PCCA: variants seen among roughly 807,000 people sequenced by gnomAD.
The protein encoded by PCCA is propionyl-CoA carboxylase alpha chain, mitochondrial.
Under a neutral mutation model 101.3 loss-of-function variants are expected in PCCA, and 74 were observed. The observed-to-expected ratio is 0.73, with a 90% confidence interval of 0.61 to 0.89. The LOEUF is 0.89. PCCA is among the 40% of genes least tolerant of loss of function. The pLI is 0.00. For synonymous variants in PCCA, 294 were observed against 313.6 expected, an observed-to-expected ratio of 0.94 and a Z score of 0.66; for missense variants, 891 against 907.0, an observed-to-expected ratio of 0.98 and a Z score of 0.23.
chr13:100,268,002 G>T (rs753411677), intron 10 of PCCA, among the ~76,000 whole-genome samples: 5 of 152,066 alleles, frequency 3.3e-5, no homozygotes, highest in Admixed American at 6.5e-5. Flanking sequence ...TTGGGTTTTG[G>T]AATATTTGCA....
At chr13:100,312,367 T>A (rs2066989575) in intron 16 of PCCA, among the ~76,000 whole-genome samples, 4 of 152,232 alleles carry the variant, frequency 2.6e-5, no homozygotes, top group African/African-American at 9.6e-5. Flanking sequence ...TGTGTCTCTG[T>A]CGAGAGTACC....
intron 20 of PCCA, among the ~76,000 whole-genome samples, chr13:100,429,209 A>C (rs1234419098): frequency 6.6e-6 from 1 of 152,016 alleles, no homozygotes; most frequent in Non-Finnish European, 1.5e-5. Flanking sequence ...GCAAACCTCC[A>C]AATTCTATTC....
chr13:100,235,726 G>A (rs759417494), intron 7 of PCCA, 116 bp from the exon 8 acceptor site: 1 of 753,382 alleles, frequency 1.3e-6, no homozygotes, highest in South Asian at 1.4e-5. Context: ...TTAGAAGGTA[G>A]TAAAATTGAA....
chr13:100,143,318 G>T (rs1292200488), intron 4 of PCCA, among the ~76,000 whole-genome samples: 2 of 151,936 alleles, frequency 1.3e-5, no homozygotes, highest in East Asian at 1.9e-4. Context: ...TCATTTGAGG[G>T]TCAGGAGTTT....
chr13:100,256,782 T>C (rs990324982), intron 8 of PCCA, among the ~76,000 whole-genome samples: 30 of 152,284 alleles, frequency 2.0e-4, no homozygotes, highest in Non-Finnish European at 4.4e-5. Context: ...GTCCCAAACA[T>C]AGGAGTATCT....
At chr13:100,320,452 G>A (rs1274664785) in intron 16 of PCCA, among the ~76,000 whole-genome samples, 3 of 152,126 alleles carry the variant, frequency 2.0e-5, no homozygotes, top group African/African-American at 7.2e-5. Flanking sequence ...TATGATATTG[G>A]CTGTGGGTTT....
chr13:100,348,779 T>TTCCTTCCTTCCTTCCTTC (rs2072755235), intron 18 of PCCA, among the ~76,000 whole-genome samples: 6 of 76,224 alleles, frequency 7.9e-5, no homozygotes, highest in Non-Finnish European at 1.7e-4. Context: ...TTTCTTTCTT[T>TTCCTTCCTTCCTTCCTTC]CTTTCTTTCT....
At chr13:100,453,193 A>G (rs777643125) in intron 21 of PCCA, among the ~76,000 whole-genome samples, 11 of 152,050 alleles carry the variant, frequency 7.2e-5, no homozygotes, top group Non-Finnish European at 1.3e-4. Context: ...TGTCTCAAAG[A>G]AAAAAGCAAA....
chr13:100,341,032 T>C lies in PCCA; in HGVS notation c.1643+773T>C, dbSNP rs371402548. 1.9e-4 allele frequency among the ~76,000 whole-genome samples: 29 copies of C among 152,318 alleles called. No homozygotes were observed. The South Asian group carries it at 3.7e-3, about 20-fold the overall frequency. ...AGAATTAGGTAGAGGAGAAACTAAA[T>C]TGGATTTAGGCTGTATCTTAGTGGC... On this transcript the variant is annotated intron_variant, in intron 18 of 23. Transcript: ENST00000376285.
rs1303435999 is a variant in PCCA at position 100,505,291 on chromosome 13, G to C, written c.1900-10136G>C. On this transcript the variant is annotated intron_variant, in intron 21 of 23. Coordinates refer to ENST00000376285, the MANE Select transcript of PCCA (RefSeq NM_000282.4). ...TTATTTTGTATTCTTACATTGCCCA[G>C]ATATGCTCGATAAATGGTTTTTGAA... Among the ~76,000 whole-genome samples the C allele has an allele frequency of 2.6e-5, 4 of 152,294 alleles. No individual in the cohort carries two copies. The South Asian group carries it at 6.2e-4, about 24-fold the overall frequency.
At chr13:100,299,316 CA>C (rs1249965868) in intron 12 of PCCA, among the ~76,000 whole-genome samples, 1 of 152,176 alleles carries the variant, frequency 6.6e-6, no homozygotes, top group Non-Finnish European at 1.5e-5. Context: ...GATCCCTCTT[CA>C]AAGGTGAAGC....
intron 4 of PCCA, among the ~76,000 whole-genome samples, chr13:100,137,614 G>T (rs2051335236): frequency 6.6e-6 from 1 of 151,976 alleles, no homozygotes; most frequent in Non-Finnish European, 1.5e-5. Context: ...AAATTTCTTT[G>T]CTCTGAAGCC....
At chr13:100,346,269 T>C (rs1313431890) in intron 18 of PCCA, among the ~76,000 whole-genome samples, 1 of 152,212 alleles carries the variant, frequency 6.6e-6, no homozygotes, top group Non-Finnish European at 1.5e-5. Flanking sequence ...TAGATCCCCT[T>C]AAGAACATTT....
Position 100,257,646 on chromosome 13 carries a change from G to T in PCCA, c.689G>T (p.Arg230Leu), listed in dbSNP as rs747943045. The stretch of plus-strand genomic sequence containing the variant: ...GCAGGTGGTGGTGGGAAAGGCATGC[G>T]CATTGCTTGGGATGATGAAGAGACC... Reference protein sequence around the residue: ...ASAGGGGKGMRIAWDDEETRD... With the variant: ...ASAGGGGKGMLIAWDDEETRD... Residue 230 changes from arginine (R) to leucine (L), a missense_variant, in exon 9 of 24, where the codon CGC becomes CTC. By Grantham distance (102) the Arg-to-Leu change is moderately radical. Coordinates refer to ENST00000376285, the MANE Select transcript of PCCA (RefSeq NM_000282.4). 1 of 1,613,482 alleles carries T rather than the reference G, an allele frequency of 6.2e-7. No homozygotes were observed. The highest frequency in any genetic ancestry group is 1.7e-5 in the Admixed American group (1 of 59,970).
At chr13:100,095,154 T>C (rs1242907600) in intron 1 of PCCA, among the ~76,000 whole-genome samples, 1 of 152,184 alleles carries the variant, frequency 6.6e-6, no homozygotes, top group East Asian at 1.9e-4. Flanking sequence ...TTCACATGGC[T>C]GCCTTCTCCT....
At chr13:100,395,031 A>G (rs1293300835) in intron 19 of PCCA, among the ~76,000 whole-genome samples, 2 of 152,184 alleles carry the variant, frequency 1.3e-5, no homozygotes, top group African/African-American at 4.8e-5. Context: ...TTGGGGCTGT[A>G]CACTCATGGG....
intron 12 of PCCA, among the ~76,000 whole-genome samples, chr13:100,291,746 A>G (rs1205956813): frequency 6.6e-6 from 1 of 152,180 alleles, no homozygotes; most frequent in Admixed American, 6.5e-5. Flanking sequence ...CATCTCAAGG[A>G]CAGAATTGAG....
At chr13:100,459,094 G>A (rs912883749) in intron 21 of PCCA, among the ~76,000 whole-genome samples, 5 of 152,282 alleles carry the variant, frequency 3.3e-5, no homozygotes, top group African/African-American at 1.2e-4. Context: ...TTGTGGCTAT[G>A]TAATTCCAGG....
intron 6 of PCCA, among the ~76,000 whole-genome samples, chr13:100,162,712 T>G (rs911754329): frequency 6.6e-6 from 1 of 152,192 alleles, no homozygotes; most frequent in African/African-American, 2.4e-5. Flanking sequence ...CTGAGTGAGC[T>G]TTGCTCAGTT....
Sources: gnomAD v4.1 joint callset for allele counts (sites outside exome capture counted in the v4.1 genomes callset) on GRCh38, gnomAD v4.1.1 for gene constraint, MANE v1.5 for transcripts, NCBI Gene and HGNC (gene_info 2026-07-23, HGNC 2026-07-21) for gene names.